Variants in PISD observed in about 807,000 individuals in gnomAD.
The protein encoded by PISD is phosphatidylserine decarboxylase proenzyme, mitochondrial.
In PISD, 31 loss-of-function variants were observed where a neutral mutation model predicts 43.5. The ratio of observed to expected loss-of-function variants is 0.71; its 90% CI spans 0.54 to 0.96. PISD has a LOEUF of 0.96. Ranked by LOEUF, PISD falls within the 40% of genes least tolerant of loss-of-function variation. The pLI, the probability that PISD is intolerant of heterozygous loss-of-function variation, is 0.00. For missense variants in PISD, 523 were observed against 548.4 expected (o/e 0.95, Z 0.46); for synonymous variants, 259 against 228.7 (o/e 1.13, Z -1.20).
At chr22:31,647,055 T>C (rs1016194531) in intron 3 of PISD, among the ~76,000 whole-genome samples, 1 of 151,850 alleles carries the variant, frequency 6.6e-6, no homozygotes, top group Admixed American at 6.6e-5. Context: ...TCAAGTGAAG[T>C]CTGTATACTA....
At chr22:31,647,225 T>C (rs2073910551) in intron 3 of PISD, among the ~76,000 whole-genome samples, 1 of 152,210 alleles carries the variant, frequency 6.6e-6, no homozygotes, top group African/African-American at 2.4e-5. Flanking sequence ...ACCTGCTGTT[T>C]TACTGTTAAA....
At chr22:31,631,821 C>A (rs2073217335) in intron 3 of PISD, among the ~76,000 whole-genome samples, 1 of 152,236 alleles carries the variant, frequency 6.6e-6, no homozygotes, top group African/African-American at 2.4e-5. Context: ...ATTCCCTATT[C>A]AATGGTGAGT....
chr22:31,642,931 C>A (rs553002260), intron 3 of PISD, among the ~76,000 whole-genome samples: 1 of 151,018 alleles, frequency 6.6e-6, no homozygotes, highest in South Asian at 2.1e-4. Flanking sequence ...GGAGCATCCC[C>A]GTCTCTACTA....
chr22:31,621,265 C>T (rs1337423398), intron 5 of PISD, 69 bp downstream of exon 5: 3 of 1,610,660 alleles, frequency 1.9e-6, no homozygotes, highest in African/African-American at 2.7e-5. Context: ...CCTTCCCCAG[C>T]ATTCCCCTCC....
chr22:31,658,582 C>G (rs962560940), intron 1 of PISD, among the ~76,000 whole-genome samples: 1 of 152,158 alleles, frequency 6.6e-6, no homozygotes, highest in Non-Finnish European at 1.5e-5. Context: ...CAGGGTCTCA[C>G]TCTGTCACCC....
chr22:31,625,914 C>A, intron 3 of PISD: 1 of 1,535,670 alleles, frequency 6.5e-7, no homozygotes, highest in South Asian at 1.2e-5. Flanking sequence ...CCTGTGCTGT[C>A]ACTGCTCCAG....
intron 3 of PISD, among the ~76,000 whole-genome samples, chr22:31,644,960 T>A (rs1428570417): frequency 6.6e-6 from 1 of 151,816 alleles, no homozygotes; most frequent in African/African-American, 2.4e-5. Flanking sequence ...CTGTCTCTAC[T>A]AAAAATACAA....
intron 3 of PISD, among the ~76,000 whole-genome samples, chr22:31,631,398 AC>A (rs1384694636): frequency 6.6e-6 from 1 of 152,096 alleles, no homozygotes; most frequent in Non-Finnish European, 1.5e-5. Flanking sequence ...GGCTGCTCCC[AC>A]CCCAACCTTC....
rs1328245931 is a variant in PISD at position 31,630,805 on chromosome 22, C to T, written c.322-8920G>A. On this transcript the variant is annotated intron_variant, in intron 3 of 7. Coordinates refer to ENST00000439502, the MANE Select transcript of PISD (RefSeq NM_001326411.2). The surrounding 1 kb of genome is among the most constrained non-coding windows in gnomAD (Gnocchi z 4.4). ...GGGGCGCCGGCTCCGCTCACTCACCCGCAGGTGGCTCCAGCTTCCGGGCTC... is the reference window on the plus strand; with the variant it reads ...GGGGCGCCGGCTCCGCTCACTCACCTGCAGGTGGCTCCAGCTTCCGGGCTC... 1.0e-6 allele frequency: 1 copy of T among 985,544 alleles called. No homozygotes were observed. The highest frequency in any genetic ancestry group is 1.1e-4 in the East Asian group (1 of 8,810). The allele number at this position is 985,544 out of a possible 1,614,324, so 61.0% of individuals were successfully genotyped here.
At chr22:31,625,815 T>C (rs764947484) in intron 3 of PISD, 3 of 1,600,174 alleles carry the variant, frequency 1.9e-6, no homozygotes, top group Non-Finnish European at 2.6e-6. Context: ...TGACACATCA[T>C]GGGCCGGCGC....
At position 31,630,759 on chromosome 22, in the gene PISD, C is replaced by T. The variant is rs941163287; in HGVS notation, c.322-8874G>A. On this transcript the variant is annotated intron_variant, in intron 3 of 7. Coordinates refer to ENST00000439502, the MANE Select transcript of PISD (RefSeq NM_001326411.2). This position sits in a 1 kb window ranked among gnomAD's most constrained non-coding sequence, Gnocchi z 4.4. ...GGTGGGGCGCCTCCCTGAGAAGTCA[C>T]CTGGGGCTCCCGGCAGGGCCGGGGC... The T allele has an allele frequency of 2.0e-5, 20 of 985,494 alleles. No homozygotes were observed. The Admixed American group carries it at 1.2e-3, about 61-fold the overall frequency. 61.0% of individuals were successfully genotyped at this position (985,494 alleles called of 1,614,324 possible).
chr22:31,629,832 T>G (rs2073112992), intron 3 of PISD: 1 of 152,072 alleles, frequency 6.6e-6, no homozygotes, highest in African/African-American at 2.4e-5. Context: ...TTGCAGCTTG[T>G]GTGTTCAGCC....
At chr22:31,627,388 T>C (rs542189847) in intron 3 of PISD, among the ~76,000 whole-genome samples, 1 of 152,332 alleles carries the variant, frequency 6.6e-6, no homozygotes, top group South Asian at 2.1e-4. Flanking sequence ...CCCAGGCCCA[T>C]AGACAGCCCC....
Position 31,620,744 on chromosome 22 carries a change from G to A in PISD, c.845-31C>T, listed in dbSNP as rs200030918. On this transcript the variant is annotated intron_variant, in intron 6 of 7. Coordinates refer to ENST00000439502, the MANE Select transcript of PISD (RefSeq NM_001326411.2). ...GAGGCAGGGAATGCCGCTACTCCCC[G>A]TCCAGAGCCCGGTGTGTCCACCCCA... The A allele has an allele frequency of 3.5e-4, 570 of 1,612,400 alleles. 1 individual carries two copies. The African/African-American group carries it at 3.6e-3, about 10-fold the overall frequency.
intron 3 of PISD, chr22:31,629,385 T>A (rs1393501501): frequency 3.3e-5 from 5 of 151,050 alleles, no homozygotes; most frequent in South Asian, 2.6e-4. Context: ...TAGGTGTGAG[T>A]GTGTTATGCG....
intron 1 of PISD, among the ~76,000 whole-genome samples, chr22:31,656,458 G>A (rs1423367726): frequency 6.6e-6 from 1 of 151,996 alleles, no homozygotes; most frequent in Admixed American, 6.6e-5. Flanking sequence ...AGACCGGCCT[G>A]ACCAACATGG....
intron 7 of PISD, 30 bp from the exon 8 acceptor site, chr22:31,619,866 C>A: frequency 6.8e-7 from 1 of 1,479,420 alleles, no homozygotes. Flanking sequence ...GTCAGTGGGG[C>A]CCAGGCCACC....
chr22:31,649,715 G>C (rs564564470), intron 2 of PISD, among the ~76,000 whole-genome samples: 6 of 152,250 alleles, frequency 3.9e-5, no homozygotes, highest in South Asian at 4.1e-4. Flanking sequence ...CTGGGCGACA[G>C]AGCGAGACTC....
In PISD at chr22:31,653,615, G is replaced by A. The variant is rs184999348; in HGVS notation, c.66-2837C>T. Among the ~76,000 whole-genome samples the A allele has an allele frequency of 4.7e-3, 716 of 152,228 alleles. 4 individuals are homozygous for A. The highest frequency in any genetic ancestry group is 6.7e-3 in the Non-Finnish European group (453 of 68,016). ...GTCCCAGCTGCTGGAACAAATACTGGGAAATGCTTCATTATATCAGTTTGG... is the reference window on the plus strand; with the variant it reads ...GTCCCAGCTGCTGGAACAAATACTGAGAAATGCTTCATTATATCAGTTTGG... On this transcript the variant is annotated intron_variant, in intron 1 of 7. Coordinates refer to ENST00000439502, the MANE Select transcript of PISD (RefSeq NM_001326411.2).
Sources: gnomAD v4.1 joint callset for allele counts (sites outside exome capture counted in the v4.1 genomes callset) on GRCh38, gnomAD v4.1.1 for gene constraint, Gnocchi (gnomAD v3.1) non-coding constraint, MANE v1.5 for transcripts, NCBI Gene and HGNC (gene_info 2026-07-23, HGNC 2026-07-21) for gene names.